The following BANK1 variants were observed in gnomAD, a reference collection of about 807,000 sequenced individuals.
The protein encoded by BANK1 is B-cell scaffold protein with ankyrin repeats.
A neutral mutation model predicts 94.5 loss-of-function variants in BANK1; 95 were observed. The ratio of observed to expected loss-of-function variants is 1.00; its 90% CI spans 0.85 to 1.19. BANK1 has a LOEUF of 1.19. BANK1 is among the 50% of genes most tolerant of loss of function. The probability of loss-of-function intolerance (pLI) is 0.00; values close to 1 mark genes in which losing one functional copy is unlikely to be tolerated. For missense variants in BANK1, 987 were observed against 932.2 expected (o/e 1.06, Z -0.77); for synonymous variants, 334 against 308.4 (o/e 1.08, Z -0.87).
intron 5 of BANK1, 46 bp from the exon 6 acceptor site, chr4:101,895,259 G>T: frequency 9.0e-7 from 1 of 1,110,618 alleles, no homozygotes; most frequent in Non-Finnish European, 1.3e-6. Context: ...GAGTTTCTAT[G>T]TAAATAATTA....
chr4:101,931,187 G>A (rs776680481), intron 7 of BANK1, among the ~76,000 whole-genome samples: 3 of 151,410 alleles, frequency 2.0e-5, no homozygotes, highest in Non-Finnish European at 4.4e-5. Flanking sequence ...TACTTTCCTG[G>A]GCCACAGGAT....
At chr4:101,896,753 G>A (rs1465285159) in intron 6 of BANK1, among the ~76,000 whole-genome samples, 2 of 151,794 alleles carry the variant, frequency 1.3e-5, no homozygotes, top group Non-Finnish European at 2.9e-5. Context: ...TGGTGGTAGT[G>A]ATTATATTAA....
intron 6 of BANK1, among the ~76,000 whole-genome samples, chr4:101,906,774 T>A (rs957798489): frequency 6.6e-6 from 1 of 152,110 alleles, no homozygotes; most frequent in African/African-American, 2.4e-5. Flanking sequence ...AGTACTAGGG[T>A]GTCTTCCAGC....
At chr4:101,935,145 G>C (rs1356713370) in intron 7 of BANK1, among the ~76,000 whole-genome samples, 1 of 151,384 alleles carries the variant, frequency 6.6e-6, no homozygotes, top group African/African-American at 2.4e-5. Context: ...ATGAGGACAG[G>C]GATCTTTGTT....
chr4:102,066,606 A>C (rs1173703277), intron 13 of BANK1, among the ~76,000 whole-genome samples: 1 of 152,192 alleles, frequency 6.6e-6, no homozygotes, highest in African/African-American at 2.4e-5. Flanking sequence ...ATCCAGAGGA[A>C]ATATACCTCA....
intron 1 of BANK1, among the ~76,000 whole-genome samples, chr4:101,811,700 T>C (rs1725735963): frequency 6.6e-6 from 1 of 152,092 alleles, no homozygotes; most frequent in Non-Finnish European, 1.5e-5. Flanking sequence ...AAAATTCAGA[T>C]CTTTTTGATT....
intron 7 of BANK1, among the ~76,000 whole-genome samples, chr4:101,924,903 A>G (rs1017707564): frequency 1.3e-5 from 2 of 151,786 alleles, no homozygotes; most frequent in Admixed American, 1.3e-4. Flanking sequence ...GACATTTGTT[A>G]TCCTTTTTAT....
At chr4:101,902,761 G>T (rs1393635454) in intron 6 of BANK1, among the ~76,000 whole-genome samples, 1 of 152,158 alleles carries the variant, frequency 6.6e-6, no homozygotes, top group African/African-American at 2.4e-5. Context: ...CATTAACATG[G>T]GTTAAATTGT....
chr4:102,008,826 A>T (rs1726390369), intron 7 of BANK1, among the ~76,000 whole-genome samples: 1 of 152,204 alleles, frequency 6.6e-6, no homozygotes, highest in Non-Finnish European at 1.5e-5. Context: ...CATTTCTAAG[A>T]TACTTTTACC....
At position 102,071,406 on chromosome 4, in the gene BANK1, G is replaced by A. The variant is rs1728756599; in HGVS notation, c.2242+102G>A. 3 of 1,137,698 alleles carry A rather than the reference G, an allele frequency of 2.6e-6. No homozygotes were observed. In the African/African-American group the frequency reaches 4.7e-5, roughly 18 times the overall value. The allele number at this position is 1,137,698 out of a possible 1,614,324, so 70.5% of individuals were successfully genotyped here. On this transcript the variant is annotated intron_variant, in intron 14 of 16. Transcript: ENST00000322953. ...ACCTAATGTGATTAAGCAAGTCAGT[G>A]TAAACATTCACATAGATTTTATATT... is the stretch of plus-strand genomic sequence containing the variant.
At chr4:101,961,125 A>G (rs2148918955) in intron 7 of BANK1, among the ~76,000 whole-genome samples, 1 of 152,340 alleles carries the variant, frequency 6.6e-6, no homozygotes. Context: ...ATTGGCCAGT[A>G]AATGCAAATA....
chr4:101,842,027 A>G lies in BANK1; in HGVS notation c.469+11821A>G, dbSNP rs897974968. 2.0e-4 allele frequency among the ~76,000 whole-genome samples: 30 copies of G among 152,360 alleles called. No homozygotes were observed. The South Asian group carries it at 2.3e-3, about 12-fold the overall frequency. On this transcript the variant is annotated intron_variant, in intron 2 of 16. Transcript: ENST00000322953. ...AATATGAAGAATTTTCTGGTACTTC[A>G]TATGAAGAAATTTAAAAAACCTTTC...
intron 2 of BANK1, among the ~76,000 whole-genome samples, chr4:101,837,189 A>G (rs1726860014): frequency 6.6e-6 from 1 of 152,220 alleles, no homozygotes; most frequent in African/African-American, 2.4e-5. Flanking sequence ...AATTTAGACA[A>G]TAATCAATTC....
At chr4:101,859,898 C>G (rs1043109504) in intron 3 of BANK1, among the ~76,000 whole-genome samples, 10 of 152,104 alleles carry the variant, frequency 6.6e-5, no homozygotes, top group African/African-American at 2.4e-4. Context: ...AAAAACTAAT[C>G]AGGAGTAGAG....
At chr4:101,995,695 GTGA>G (rs776734585) in intron 7 of BANK1, among the ~76,000 whole-genome samples, 8 of 152,174 alleles carry the variant, frequency 5.3e-5, no homozygotes, top group Non-Finnish European at 8.8e-5. Context: ...CTAATGACCA[GTGA>G]TGATGAGCTT....
At chr4:101,911,574 A>G (rs1044914286) in intron 6 of BANK1, among the ~76,000 whole-genome samples, 3 of 152,144 alleles carry the variant, frequency 2.0e-5, no homozygotes, top group African/African-American at 4.8e-5. Flanking sequence ...GTAAAAATTT[A>G]TTATATTAAT....
chr4:101,936,401 A>ATG (rs1330380120), intron 7 of BANK1, among the ~76,000 whole-genome samples: 2 of 150,158 alleles, frequency 1.3e-5, no homozygotes, highest in East Asian at 2.0e-4. Flanking sequence ...GCATGTATAT[A>ATG]TGTGCGTATG....
Position 101,841,278 on chromosome 4 carries a change from G to A in BANK1, c.469+11072G>A, listed in dbSNP as rs376146529. 4.7e-4 allele frequency among the ~76,000 whole-genome samples: 72 copies of A among 152,264 alleles called. No homozygotes were observed. In the East Asian group the frequency reaches 0.012, roughly 24 times the overall value. On this transcript the variant is annotated intron_variant, in intron 2 of 16. Transcript: ENST00000322953. ...ATGACAATACCCAGAGGCAGTCACT[G>A]TTAACATTTTGGCATATTTCATTCC...
intron 13 of BANK1, among the ~76,000 whole-genome samples, chr4:102,069,824 C>T (rs1728700396): frequency 6.6e-6 from 1 of 152,118 alleles, no homozygotes; most frequent in Non-Finnish European, 1.5e-5. Context: ...ATAAATGAAT[C>T]TCACAAACAT....
Sources: gnomAD v4.1 joint callset for allele counts (sites outside exome capture counted in the v4.1 genomes callset) on GRCh38, gnomAD v4.1.1 for gene constraint, MANE v1.5 for transcripts, NCBI Gene and HGNC (gene_info 2026-07-23, HGNC 2026-07-21) for gene names.